Variants in VIPR2 observed in about 807,000 individuals in gnomAD.
VIPR2 encodes vasoactive intestinal peptide receptor 2, also known as vasoactive intestinal polypeptide receptor 2.
VIPR2 carries 48 observed loss-of-function variants against 58.0 expected under a neutral mutation model. The ratio of observed to expected loss-of-function variants is 0.83; its 90% CI spans 0.66 to 1.05. VIPR2 has a LOEUF of 1.05. Among genes scored for constraint, VIPR2 ranks in the 50% least tolerant of loss-of-function variants. The pLI is 0.00. For synonymous variants in VIPR2, 243 were observed against 235.2 expected (o/e 1.03, Z -0.30); for missense variants, 534 against 558.0 (o/e 0.96, Z 0.43).
At chr7:159,114,462 G>A (rs1477561367) in intron 2 of VIPR2, among the ~76,000 whole-genome samples, 1 of 152,184 alleles carries the variant, frequency 6.6e-6, no homozygotes, top group Non-Finnish European at 1.5e-5. Context: ...AGCTCTGGTG[G>A]CAACCTAGGT....
At position 159,095,312 on chromosome 7, in the gene VIPR2, G is replaced by A. The variant is rs1477847845; in HGVS notation, c.357+8445C>T. Among the ~76,000 whole-genome samples, 1 of 152,236 alleles carries A rather than the reference G, an allele frequency of 6.6e-6. No homozygotes were observed. The highest frequency in any genetic ancestry group is 1.5e-5 in the Non-Finnish European group (1 of 68,040). On this transcript the variant is annotated intron_variant, in intron 4 of 12. Coordinates refer to ENST00000262178, the MANE Select transcript of VIPR2 (RefSeq NM_003382.5). This position sits in a 1 kb window ranked among gnomAD's most constrained non-coding sequence, Gnocchi z 5.2. ...TAACATTTAAGGGGTGAAAAGGCGT[G>A]TGTGCAAGTGACTGTGTGCTGCACA... is the stretch of plus-strand genomic sequence containing the variant.
intron 2 of VIPR2, among the ~76,000 whole-genome samples, chr7:159,123,317 A>G (rs1796537712): frequency 7.2e-6 from 1 of 138,770 alleles, no homozygotes; most frequent in African/African-American, 2.7e-5. Flanking sequence ...AAAAAAAAAG[A>G]AAGAAAAAAA....
rs1189085358 is a variant in VIPR2, at chr7:159,093,903, C to T, written c.357+9854G>A. Among the ~76,000 whole-genome samples, 4 of 152,156 alleles carry T rather than the reference C, an allele frequency of 2.6e-5. No individual in the cohort carries two copies. The highest frequency in any genetic ancestry group is 6.5e-5 in the Admixed American group (1 of 15,288). Reference sequence around the variant, plus strand: ...ATGCCCAGTGCTGACGGGCGCCCCTCGTGACTCCCTCTTTCAGGGCTGGTG... The same window carrying T: ...ATGCCCAGTGCTGACGGGCGCCCCTTGTGACTCCCTCTTTCAGGGCTGGTG... On this transcript the variant is annotated intron_variant, in intron 4 of 12. Coordinates refer to ENST00000262178, the MANE Select transcript of VIPR2 (RefSeq NM_003382.5). This position sits in a 1 kb window ranked among gnomAD's most constrained non-coding sequence, Gnocchi z 6.7.
chr7:159,141,954 G>A (rs1348759830), intron 2 of VIPR2, among the ~76,000 whole-genome samples: 1 of 152,170 alleles, frequency 6.6e-6, no homozygotes, highest in African/African-American at 2.4e-5. Context: ...CTGTCAAACC[G>A]GAGAAGGCGA....
chr7:159,079,391 A>G (rs1231090802), intron 4 of VIPR2, among the ~76,000 whole-genome samples: 1 of 152,202 alleles, frequency 6.6e-6, no homozygotes, highest in Non-Finnish European at 1.5e-5. Context: ...AACGAAATGA[A>G]GGCAGAAATA....
chr7:159,052,388 C>T (rs890141200), intron 5 of VIPR2, among the ~76,000 whole-genome samples: 6 of 152,272 alleles, frequency 3.9e-5, no homozygotes, highest in African/African-American at 1.4e-4. Flanking sequence ...AGTCCTATAT[C>T]TGGTTTAGAA....
At chr7:159,112,829 G>A (rs1346018985) in intron 2 of VIPR2, among the ~76,000 whole-genome samples, 1 of 152,000 alleles carries the variant, frequency 6.6e-6, no homozygotes, top group African/African-American at 2.4e-5. Flanking sequence ...GGAGGCTCAC[G>A]GCGCCTACCT....
chr7:159,139,971 C>T (rs1021022037), intron 2 of VIPR2, among the ~76,000 whole-genome samples: 6 of 152,282 alleles, frequency 3.9e-5, no homozygotes, highest in South Asian at 2.1e-4. Context: ...AGTGATGCAT[C>T]GATGTTAAGT....
In VIPR2 at chr7:159,093,257, T is replaced by C. The variant is rs934131708; in HGVS notation, c.357+10500A>G. ...TGAGAACTTTGTGTGCTCATTTACTTTTCCTTAGGTTGAGACTGAAAACGT... is the reference window on the plus strand; with the variant it reads ...TGAGAACTTTGTGTGCTCATTTACTCTTCCTTAGGTTGAGACTGAAAACGT... On this transcript the variant is annotated intron_variant, in intron 4 of 12. Transcript: ENST00000262178. The surrounding 1 kb of genome is among the most constrained non-coding windows in gnomAD (Gnocchi z 6.7). Among the ~76,000 whole-genome samples, 5 of 152,198 alleles carry C rather than the reference T, an allele frequency of 3.3e-5. No homozygotes were observed. The highest frequency in any genetic ancestry group is 1.2e-4 in the African/African-American group (5 of 41,444).
intron 2 of VIPR2, among the ~76,000 whole-genome samples, chr7:159,134,856 A>G (rs1432908701): frequency 6.6e-6 from 1 of 151,852 alleles, no homozygotes; most frequent in Non-Finnish European, 1.5e-5. Context: ...ACGGGGTCTC[A>G]CCGTGTTAGC....
At chr7:159,055,411 C>G (rs1306026141) in intron 5 of VIPR2, among the ~76,000 whole-genome samples, 1 of 152,084 alleles carries the variant, frequency 6.6e-6, no homozygotes, top group Non-Finnish European at 1.5e-5. Flanking sequence ...TGAACATATA[C>G]TGCATTAGCA....
chr7:159,074,881 A>G (rs1475017720), intron 4 of VIPR2, among the ~76,000 whole-genome samples: 2 of 152,216 alleles, frequency 1.3e-5, no homozygotes, highest in African/African-American at 4.8e-5. Flanking sequence ...TCTGAAGCCA[A>G]TAGAAAGAGA....
intron 3 of VIPR2, among the ~76,000 whole-genome samples, 179 bp from the exon 4 acceptor site, chr7:159,104,033 C>G (rs117719732): frequency 1.3e-5 from 2 of 152,196 alleles, no homozygotes; most frequent in African/African-American, 4.8e-5. Flanking sequence ...GTGACCTGGA[C>G]AGCAGGTCAC....
At chr7:159,080,312 C>T (rs1856837563) in intron 4 of VIPR2, among the ~76,000 whole-genome samples, 1 of 152,176 alleles carries the variant, frequency 6.6e-6, no homozygotes, top group South Asian at 2.1e-4. Flanking sequence ...GCTGGTTCAA[C>T]ATACGAAAAT....
At chr7:159,045,602 A>G (rs1047400184) in intron 5 of VIPR2, among the ~76,000 whole-genome samples, 11 of 152,210 alleles carry the variant, frequency 7.2e-5, no homozygotes, top group African/African-American at 2.7e-4. Context: ...CCTAGACATA[A>G]GAGCTAAAAC....
intron 2 of VIPR2, among the ~76,000 whole-genome samples, chr7:159,115,219 C>T (rs1796192153): frequency 6.6e-6 from 1 of 152,202 alleles, no homozygotes; most frequent in Admixed American, 6.5e-5. Flanking sequence ...ATGGGAAATT[C>T]TACTCGACAG....
intron 2 of VIPR2, among the ~76,000 whole-genome samples, chr7:159,118,563 G>A (rs928704845): frequency 3.3e-5 from 5 of 152,188 alleles, no homozygotes; most frequent in African/African-American, 7.2e-5. Flanking sequence ...AGACGGAGGG[G>A]AAGGAAGAGA....
chr7:159,120,688 A>G (rs1284103577), intron 2 of VIPR2, among the ~76,000 whole-genome samples: 3 of 152,212 alleles, frequency 2.0e-5, no homozygotes, highest in African/African-American at 7.2e-5. Context: ...GTAACAGGCT[A>G]GTGTGCAGCC....
chr7:159,058,655 G>A, intron 4 of VIPR2, 77 bp from the exon 5 acceptor site: 1 of 1,132,688 alleles, frequency 8.8e-7, no homozygotes. Flanking sequence ...CCAGGATCCA[G>A]CCCTGTGCTC....
Sources: gnomAD v4.1 joint callset for allele counts (sites outside exome capture counted in the v4.1 genomes callset) on GRCh38, gnomAD v4.1.1 for gene constraint, Gnocchi (gnomAD v3.1) non-coding constraint, MANE v1.5 for transcripts, NCBI Gene and HGNC (gene_info 2026-07-23, HGNC 2026-07-21) for gene names.